Variants in DNAH3 observed in about 807,000 individuals in gnomAD.
The protein encoded by DNAH3 is dynein axonemal heavy chain 3.
A neutral mutation model predicts 432.5 loss-of-function variants in DNAH3; 332 were observed. The observed-to-expected ratio is 0.77, with a 90% CI of 0.70 to 0.84. DNAH3 has a LOEUF of 0.84. Ranked by LOEUF, DNAH3 falls within the 40% of genes least tolerant of loss-of-function variation. The pLI is 0.00. For missense variants in DNAH3, 4,861 were observed against 5,114.0 expected (o/e 0.95, Z 1.51); for synonymous variants, 1,956 against 1,900.2 (o/e 1.03, Z -0.76).
chr16:21,140,959 T>C (rs1200271517), intron 4 of DNAH3, among the ~76,000 whole-genome samples: 1 of 151,994 alleles, frequency 6.6e-6, no homozygotes, highest in Non-Finnish European at 1.5e-5. Context: ...GCCAACATGG[T>C]GAAACCACGT....
intron 53 of DNAH3, among the ~76,000 whole-genome samples, chr16:20,960,224 A>T (rs1480342961): frequency 1.3e-5 from 2 of 152,170 alleles, no homozygotes; most frequent in Non-Finnish European, 2.9e-5. Context: ...TCATGGATAC[A>T]TAGTATATCA....
chr16:21,133,334 G>A (rs2092595640), intron 7 of DNAH3, among the ~76,000 whole-genome samples: 1 of 141,098 alleles, frequency 7.1e-6, no homozygotes, highest in African/African-American at 2.7e-5. Context: ...CTGCACTCCA[G>A]CCTGGGTGAC....
At chr16:20,998,538 C>G (rs2086865058) in intron 43 of DNAH3, among the ~76,000 whole-genome samples, 1 of 152,106 alleles carries the variant, frequency 6.6e-6, no homozygotes, top group Non-Finnish European at 1.5e-5. Context: ...CAGGCGTGAG[C>G]CACCACACCC....
chr16:21,075,161 C>T (rs2090930419), intron 21 of DNAH3, among the ~76,000 whole-genome samples: 1 of 152,168 alleles, frequency 6.6e-6, no homozygotes, highest in South Asian at 2.1e-4. Context: ...TACAAGCCTG[C>T]ACCTTCACTG....
chr16:21,136,733 G>C (rs189615227), intron 5 of DNAH3, among the ~76,000 whole-genome samples: 1 of 152,282 alleles, frequency 6.6e-6, no homozygotes, highest in East Asian at 1.9e-4. Flanking sequence ...AAGCCAGAGA[G>C]ATGTCAGTGG....
intron 1 of DNAH3, among the ~76,000 whole-genome samples, chr16:21,153,196 T>C (rs942274768): frequency 5.9e-5 from 9 of 152,078 alleles, no homozygotes; most frequent in African/African-American, 1.7e-4. Flanking sequence ...TGGTGGGACC[T>C]TGGAGAACCT....
At chr16:21,133,980 G>A (rs190887134) in intron 7 of DNAH3, among the ~76,000 whole-genome samples, 1 of 152,314 alleles carries the variant, frequency 6.6e-6, no homozygotes, top group Admixed American at 6.5e-5. Context: ...AGAGCTAGGA[G>A]TTAGACCTGA....
At chr16:20,960,044 A>G (rs928722154) in intron 53 of DNAH3, among the ~76,000 whole-genome samples, 1 of 152,136 alleles carries the variant, frequency 6.6e-6, no homozygotes, top group African/African-American at 2.4e-5. Flanking sequence ...GTGGTAGCCA[A>G]TGTGATTAGA....
chr16:20,964,158 G>C, exon 53 of DNAH3: 1 of 1,614,158 alleles, frequency 6.2e-7, no homozygotes, highest in African/African-American at 1.3e-5. Context: ...GAACCTCCAA[G>C]ATCTTATCTT....
At chr16:21,150,827 A>C (rs751010096) in intron 1 of DNAH3, 1 of 153,378 alleles carries the variant, frequency 6.5e-6, no homozygotes, top group African/African-American at 2.4e-5. Flanking sequence ...CAGTGCTTGT[A>C]TGCAGGCGCT....
intron 40 of DNAH3, among the ~76,000 whole-genome samples, chr16:21,021,190 G>A (rs531445000): frequency 2.6e-5 from 4 of 152,324 alleles, no homozygotes; most frequent in African/African-American, 9.6e-5. Context: ...AGAGTTCTAT[G>A]AACATGGTTA....
chr16:21,075,472 A>AACGTC lies in DNAH3; in HGVS notation c.3054_3058dup (p.Phe1020Ter). 1 of 1,614,044 alleles carries AACGTC rather than the reference A, an allele frequency of 6.2e-7. No homozygotes were observed. The highest frequency in any genetic ancestry group is 8.5e-7 in the Non-Finnish European group (1 of 1,179,930). ...AGTGTCCCTGTATTTCACGAAGCTG[A>AACGTC]ACGTCACGTTAACCCAATCCAACTT... On this transcript the variant is annotated stop_gained and frameshift_variant, in exon 21 of 62. Transcript: ENST00000261383. LOFTEE classifies it high-confidence loss of function.
intron 52 of DNAH3, among the ~76,000 whole-genome samples, chr16:20,969,292 A>G (rs990121857): frequency 2.7e-5 from 4 of 145,924 alleles, no homozygotes; most frequent in Non-Finnish European, 4.5e-5. Flanking sequence ...ATGTGTGTGC[A>G]TGTGTGTGTG....
At chr16:20,960,974 C>A (rs2084792123) in intron 53 of DNAH3, among the ~76,000 whole-genome samples, 1 of 152,082 alleles carries the variant, frequency 6.6e-6, no homozygotes, top group Non-Finnish European at 1.5e-5. Context: ...CCACTGTTTG[C>A]ACATGCAAAG....
At chr16:21,000,737 T>C (rs1328005722) in intron 42 of DNAH3, among the ~76,000 whole-genome samples, 2 of 152,144 alleles carry the variant, frequency 1.3e-5, no homozygotes, top group South Asian at 4.1e-4. Flanking sequence ...TTAAACAAGA[T>C]CATGCATGTA....
At chr16:20,985,185 A>G (rs145168586) in exon 48 of DNAH3, 66 of 1,614,094 alleles carry the variant, frequency 4.1e-5, no homozygotes, top group Middle Eastern at 1.6e-4. Flanking sequence ...TCTCGTCAGC[A>G]GGGAAGATGT....
At chr16:21,035,114 G>A (rs1567674675) in intron 35 of DNAH3, among the ~76,000 whole-genome samples, 1 of 152,108 alleles carries the variant, frequency 6.6e-6, no homozygotes, top group African/African-American at 2.4e-5. Flanking sequence ...ATCATTTGAG[G>A]TCAGGAGTTT....
At chr16:21,101,388 T>C (rs2091833655) in intron 16 of DNAH3, among the ~76,000 whole-genome samples, 1 of 152,182 alleles carries the variant, frequency 6.6e-6, no homozygotes, top group Middle Eastern at 3.2e-3. Context: ...GTAAATTCCA[T>C]ACATATTTCA....
chr16:21,150,767 C>G (rs56225843), intron 1 of DNAH3: 15,872 of 155,558 alleles, frequency 0.1, 997 homozygotes, highest in Non-Finnish European at 0.14. Context: ...AAACAACATC[C>G]TGGCAGCCCG....
Sources: allele counts gnomAD v4.1 joint callset (sites outside exome capture counted in the v4.1 genomes callset), GRCh38; gene constraint gnomAD v4.1.1; transcripts MANE v1.5; gene names NCBI Gene and HGNC (gene_info 2026-07-23, HGNC 2026-07-21).